The following REV3L variants were observed in gnomAD, a reference collection of about 807,000 sequenced individuals.
REV3L encodes the protein REV3 like, DNA directed polymerase zeta catalytic subunit.
A neutral mutation model predicts 299.4 loss-of-function variants in REV3L; 69 were observed. That is an observed-to-expected ratio of 0.23 (90% CI 0.19 to 0.28). The LOEUF (loss-of-function observed/expected upper bound fraction) is 0.28. REV3L is among the 10% of genes least tolerant of loss of function. The pLI is 1.00. For synonymous variants in REV3L, 1,238 were observed against 1,271.4 expected (o/e 0.97, Z 0.56); for missense variants, 3,128 against 3,693.8 (o/e 0.85, Z 3.97).
At position 111,392,940 on chromosome 6, in the gene REV3L, T is replaced by G; in HGVS notation, c.598A>C (p.Asn200His). ...GCAAGAGAATTTCCTGATAAATGAT[T>G]CTTGCAGGATCCAGTTGCATGCAAT... ...NTLHATGSCKNHLSGNSLADT... is the reference protein window; with the variant it reads ...NTLHATGSCKHHLSGNSLADT... Residue 200 changes from asparagine (N) to histidine (H), a missense_variant, in exon 5 of 32, where the codon AAT (asparagine) becomes CAT (histidine). Physicochemically the swap from Asn to His is moderately conservative, Grantham distance 68. Transcript: ENST00000368802. The G allele has an allele frequency of 6.2e-7, 1 of 1,612,046 alleles. No individual in the cohort carries two copies. Among genetic ancestry groups the G allele is most frequent in the South Asian group, 1.1e-5 (1 of 91,052 alleles).
At chr6:111,479,382 T>C (rs1207401733) in intron 1 of REV3L, among the ~76,000 whole-genome samples, 1 of 152,166 alleles carries the variant, frequency 6.6e-6, no homozygotes, top group Non-Finnish European at 1.5e-5. Context: ...TTTGTTTTTG[T>C]TTTTTAAAAA....
At chr6:111,398,466 A>G (rs1016820920) in intron 4 of REV3L, among the ~76,000 whole-genome samples, 3 of 152,142 alleles carry the variant, frequency 2.0e-5, no homozygotes, top group Non-Finnish European at 2.9e-5. Flanking sequence ...CATACTTTAT[A>G]CACTTCATTT....
intron 1 of REV3L, among the ~76,000 whole-genome samples, chr6:111,440,050 C>A (rs1000117504): frequency 7.9e-5 from 12 of 152,092 alleles, no homozygotes; most frequent in African/African-American, 2.9e-4. Flanking sequence ...CAAGAGTTCA[C>A]TGAATCCTGA....
chr6:111,448,551 C>G (rs565500217), intron 1 of REV3L, among the ~76,000 whole-genome samples: 72 of 152,194 alleles, frequency 4.7e-4, no homozygotes, highest in African/African-American at 1.6e-3. Flanking sequence ...TCTTGAAATT[C>G]TGGGCTCAAG....
intron 2 of REV3L, among the ~76,000 whole-genome samples, chr6:111,415,799 C>G (rs1784700316): frequency 6.6e-6 from 1 of 152,140 alleles, no homozygotes; most frequent in South Asian, 2.1e-4. Flanking sequence ...TTACCCCACA[C>G]TACTATTCCT....
chr6:111,434,090 A>C (rs1249768422), intron 1 of REV3L, among the ~76,000 whole-genome samples: 1 of 152,220 alleles, frequency 6.6e-6, no homozygotes, highest in Non-Finnish European at 1.5e-5. Flanking sequence ...CACTGTACTC[A>C]ATGTGGAAAT....
intron 1 of REV3L, among the ~76,000 whole-genome samples, chr6:111,451,331 T>G (rs868663815): frequency 1.3e-5 from 2 of 152,204 alleles, no homozygotes; most frequent in Non-Finnish European, 2.9e-5. Flanking sequence ...TCCCAACTTC[T>G]TCTGGGCTTA....
intron 2 of REV3L, among the ~76,000 whole-genome samples, chr6:111,412,777 A>AC (rs902366247): frequency 5.3e-5 from 8 of 151,752 alleles, no homozygotes; most frequent in East Asian, 1.9e-4. Context: ...AAAAAAAAAA[A>AC]AAAACAACTA....
chr6:111,439,113 A>C (rs887448111), intron 1 of REV3L, among the ~76,000 whole-genome samples: 1 of 152,202 alleles, frequency 6.6e-6, no homozygotes, highest in Non-Finnish European at 1.5e-5. Context: ...TTCTTAAATA[A>C]ATGTGATTAT....
At chr6:111,366,992 GA>G in intron 14 of REV3L, 122 bp downstream of exon 14, 1 of 763,060 alleles carries the variant, frequency 1.3e-6, no homozygotes, top group Non-Finnish European at 1.9e-6. Flanking sequence ...AAGACATGAC[GA>G]AAAATATTTG....
chr6:111,482,728 C>A lies in REV3L; in HGVS notation c.139+22G>T, dbSNP rs773703546. On this transcript the variant is annotated intron_variant, in intron 1 of 31. Coordinates refer to ENST00000368802, the MANE Select transcript of REV3L (RefSeq NM_001372078.1). ...GCGCCCCGCCGACTCCCGCTCCCGCCCCGCGCCCGGCGCCCGCTTACCTGC... is the reference window on the plus strand; with the variant it reads ...GCGCCCCGCCGACTCCCGCTCCCGCACCGCGCCCGGCGCCCGCTTACCTGC... 5 of 1,328,970 alleles carry A rather than the reference C, an allele frequency of 3.8e-6. No individual in the cohort carries two copies. In the East Asian group the frequency reaches 1.6e-4, roughly 41 times the overall value. 82.3% of individuals were successfully genotyped at this position (1,328,970 alleles called of 1,614,324 possible).
In REV3L at chr6:111,374,800, A is replaced by G; in HGVS notation, c.3555T>C (p.Ser1185=). The G allele has an allele frequency of 3.7e-6, 6 of 1,612,988 alleles. No individual in the cohort carries two copies. Among genetic ancestry groups the G allele is most frequent in the Non-Finnish European group, 5.1e-6 (6 of 1,179,746 alleles). The part of the protein sequence containing the change: ...KKSKAKLANP[S]IVTKKRNKRN... ...GTTTGTTCCTTTTCTTAGTAACTAT[A>G]GAGGGATTAGCAAGCTTTGCTTTTG... Residue 1185 remains serine (S), a synonymous_variant, in exon 13 of 32, where the codon TCT becomes TCC. Coordinates refer to ENST00000368802, the MANE Select transcript of REV3L (RefSeq NM_001372078.1).
chr6:111,447,101 C>G (rs890213327), intron 1 of REV3L, among the ~76,000 whole-genome samples: 4 of 152,040 alleles, frequency 2.6e-5, no homozygotes, highest in African/African-American at 9.7e-5. Flanking sequence ...CCTACCATCC[C>G]AAAATATATC....
chr6:111,404,926 C>G (rs1028351144), intron 4 of REV3L, among the ~76,000 whole-genome samples: 1 of 152,014 alleles, frequency 6.6e-6, no homozygotes, highest in African/African-American at 2.4e-5. Flanking sequence ...GGTGATGGCT[C>G]AAGGGACTTA....
In REV3L at chr6:111,339,158, C is replaced by T. The variant is rs554803896; in HGVS notation, c.7539-3548G>A. Among the ~76,000 whole-genome samples the T allele has an allele frequency of 3.3e-5, 5 of 152,182 alleles. No individual in the cohort carries two copies. The South Asian group carries it at 1.0e-3, about 32-fold the overall frequency. On this transcript the variant is annotated intron_variant, in intron 21 of 31. Transcript: ENST00000368802. Reference sequence around the variant, plus strand: ...TTTCATTCAGAATCTAATTCTCTATCCTGAAAAGAAAGACGTACCAATTAA... The same window carrying T: ...TTTCATTCAGAATCTAATTCTCTATTCTGAAAAGAAAGACGTACCAATTAA...
At chr6:111,364,087 T>C in intron 15 of REV3L, 109 bp from the exon 16 acceptor site, 1 of 1,389,262 alleles carries the variant, frequency 7.2e-7, no homozygotes, top group East Asian at 2.4e-5. Context: ...TAGTAATAAA[T>C]GGTAAACTAA....
chr6:111,316,925 A>G (rs1463454402), intron 26 of REV3L, among the ~76,000 whole-genome samples: 6 of 152,232 alleles, frequency 3.9e-5, no homozygotes, highest in Non-Finnish European at 1.5e-5. Flanking sequence ...AAATACCAAT[A>G]CAAAATATAC....
intron 31 of REV3L, among the ~76,000 whole-genome samples, chr6:111,304,633 T>C (rs552509531): frequency 7.1e-4 from 106 of 150,288 alleles, no homozygotes; most frequent in African/African-American, 2.5e-3. Context: ...TTTTTTTCGA[T>C]CCAAGGGTAT....
In REV3L at chr6:111,373,608, G is replaced by T. The variant is rs1211348262; in HGVS notation, c.4747C>A (p.Pro1583Thr). ...TGTTTTGTACTTCTGGGAGTTCGAG[G>T]TTTTCTTGGGGACGTTACCGATCGT... is the stretch of plus-strand genomic sequence containing the variant. ...RTRSVTSPRKPRTPRSTKQKE... is the reference protein window; with the variant it reads ...RTRSVTSPRKTRTPRSTKQKE... Residue 1583 changes from proline (P) to threonine (T), a missense_variant, in exon 13 of 32, where the codon CCT (proline) becomes ACT (threonine). Physicochemically the swap from Pro to Thr is conservative, Grantham distance 38. Around this residue, in one of 9 missense-constraint regions of REV3L, gnomAD observed 2,409 missense variants for 2,611.8 expected, o/e 0.92. Transcript: ENST00000368802. The T allele has an allele frequency of 6.2e-7, 1 of 1,614,058 alleles. No homozygotes were observed.
Sources: allele counts gnomAD v4.1 joint callset (sites outside exome capture counted in the v4.1 genomes callset), GRCh38; gene constraint gnomAD v4.1.1; regional missense constraint gnomAD v4.1.1; transcripts MANE v1.5; gene names NCBI Gene and HGNC (gene_info 2026-07-23, HGNC 2026-07-21).